Variants in TEX26 observed in about 807,000 individuals in gnomAD.
The protein encoded by TEX26 is testis-expressed protein 26.
Under a neutral mutation model 35.3 loss-of-function variants are expected in TEX26, and 34 were observed. That is an observed-to-expected ratio of 0.96 (90% CI 0.73 to 1.28). The LOEUF (loss-of-function observed/expected upper bound fraction) is 1.28, where lower values mean the gene tolerates loss of function less well. TEX26 is among the 50% of genes most tolerant of loss of function. TEX26 has a pLI of 0.00. For synonymous variants in TEX26, 136 were observed against 111.8 expected (o/e 1.22, Z -1.36); for missense variants, 371 against 330.1 (o/e 1.12, Z -0.96).
Position 30,974,939 on chromosome 13 carries a change from G to GA in TEX26, c.*36dup, listed in dbSNP as rs1385934410. 2 of 1,427,268 alleles carry GA rather than the reference G, an allele frequency of 1.4e-6. No individual in the cohort carries two copies. Among genetic ancestry groups the GA allele is most frequent in the South Asian group, 2.7e-5 (2 of 74,708 alleles). The allele number at this position is 1,427,268 out of a possible 1,614,324, so 88.4% of individuals were successfully genotyped here. ...AAAATAGTACAAATGAAGAAAATCT[G>GA]AAAATCAATGGAAGCACGAGGACAT... On this transcript the variant is annotated 3_prime_UTR_variant, in exon 7 of 7. Coordinates refer to ENST00000380473, the MANE Select transcript of TEX26 (RefSeq NM_152325.3).
chr13:30,932,795 C>G lies in TEX26; in HGVS notation c.61+19C>G, dbSNP rs1171207188. Reference sequence around the variant, plus strand: ...CAGCCAAGTAAGACAGCAGACTCTGCCGGTCTGCGGGGCGGGGCTGGGGTC... The same window carrying G: ...CAGCCAAGTAAGACAGCAGACTCTGGCGGTCTGCGGGGCGGGGCTGGGGTC... On this transcript the variant is annotated intron_variant, in intron 1 of 6. Transcript: ENST00000380473. 1.9e-6 allele frequency: 3 copies of G among 1,612,244 alleles called. No individual in the cohort carries two copies. The highest frequency in any genetic ancestry group is 2.7e-5 in the African/African-American group (2 of 74,928).
chr13:30,947,845 C>T (rs565220353), intron 2 of TEX26, among the ~76,000 whole-genome samples: 227 of 152,106 alleles, frequency 1.5e-3, no homozygotes, highest in African/African-American at 5.1e-3. Context: ...CCCATTAACT[C>T]GTCATTTAGC....
intron 1 of TEX26, among the ~76,000 whole-genome samples, chr13:30,935,273 G>A (rs377427953): frequency 2.6e-5 from 4 of 152,230 alleles, no homozygotes; most frequent in East Asian, 1.9e-4. Flanking sequence ...TGGGTGGAAG[G>A]GGCTGGGGTC....
At chr13:30,947,213 G>A (rs979480875) in intron 2 of TEX26, among the ~76,000 whole-genome samples, 1 of 152,050 alleles carries the variant, frequency 6.6e-6, no homozygotes, top group African/African-American at 2.4e-5. Context: ...TTTTGCAACT[G>A]CATCTTAATG....
At chr13:30,948,636 A>T (rs1420357611) in intron 2 of TEX26, among the ~76,000 whole-genome samples, 1 of 152,114 alleles carries the variant, frequency 6.6e-6, no homozygotes, top group Non-Finnish European at 1.5e-5. Flanking sequence ...GATTCTGGAT[A>T]TTAGCCCTTT....
At chr13:30,961,300 G>T (rs12429673) in intron 4 of TEX26, among the ~76,000 whole-genome samples, 37,365 of 152,144 alleles carry the variant, frequency 0.25, 5,547 homozygotes, top group Non-Finnish European at 0.32. Context: ...GACTATGCAG[G>T]GTTATGAAGG....
At chr13:30,957,125 A>C in intron 4 of TEX26, 96 bp downstream of exon 4, 4 of 1,279,100 alleles carry the variant, frequency 3.1e-6, no homozygotes, top group Non-Finnish European at 4.3e-6. Context: ...CCTTCAAGGA[A>C]CTTGAAGTCT....
At chr13:30,968,353 T>C (rs1366497323) in intron 5 of TEX26, among the ~76,000 whole-genome samples, 1 of 152,084 alleles carries the variant, frequency 6.6e-6, no homozygotes, top group Non-Finnish European at 1.5e-5. Context: ...ACCTATGAAG[T>C]CCGATCGTAG....
At chr13:30,948,858 GT>G (rs1453747763) in intron 2 of TEX26, among the ~76,000 whole-genome samples, 1 of 152,174 alleles carries the variant, frequency 6.6e-6, no homozygotes, top group East Asian at 1.9e-4. Flanking sequence ...TTCTTCTAGA[GT>G]TTTTATGGTT....
chr13:30,941,689 T>G (rs1049202179), intron 2 of TEX26, among the ~76,000 whole-genome samples: 1 of 152,118 alleles, frequency 6.6e-6, no homozygotes, highest in African/African-American at 2.4e-5. Flanking sequence ...ATTATGTCAT[T>G]CTGTATGCCT....
At chr13:30,939,910 T>A in intron 2 of TEX26, 132 bp downstream of exon 2, 2 of 748,268 alleles carry the variant, frequency 2.7e-6, no homozygotes, top group Non-Finnish European at 4.5e-6. Context: ...CGGGCTACTG[T>A]GTGCACACCT....
intron 1 of TEX26, among the ~76,000 whole-genome samples, chr13:30,937,216 G>A (rs980173812): frequency 6.6e-6 from 1 of 152,102 alleles, no homozygotes; most frequent in African/African-American, 2.4e-5. Context: ...CAGGCACCTG[G>A]CAATTGGTGA....
intron 6 of TEX26, among the ~76,000 whole-genome samples, chr13:30,970,452 C>T (rs1954676673): frequency 6.6e-6 from 1 of 152,184 alleles, no homozygotes; most frequent in African/African-American, 2.4e-5. Flanking sequence ...CCAAGAGGCT[C>T]CTAAGGCTCT....
chr13:30,944,888 C>A (rs1364194482), intron 2 of TEX26, among the ~76,000 whole-genome samples: 2 of 151,924 alleles, frequency 1.3e-5, no homozygotes, highest in African/African-American at 4.8e-5. Context: ...AAGAATGTCC[C>A]ATGTGCTGAT....
At chr13:30,949,901 A>G (rs898439160) in intron 2 of TEX26, among the ~76,000 whole-genome samples, 2 of 152,184 alleles carry the variant, frequency 1.3e-5, no homozygotes, top group Non-Finnish European at 2.9e-5. Flanking sequence ...GAAAATTAAT[A>G]TTGGTCTGGC....
chr13:30,964,773 G>T (rs940381487), intron 4 of TEX26, among the ~76,000 whole-genome samples: 2 of 152,102 alleles, frequency 1.3e-5, no homozygotes, highest in African/African-American at 4.8e-5. Flanking sequence ...AAAATGGAAG[G>T]ACAAGAGCGT....
At position 30,968,961 on chromosome 13, in the gene TEX26, C is replaced by A. The variant is rs751004234; in HGVS notation, c.723C>A (p.Asp241Glu). The change falls in exon 6 of 7, where the codon GAC becomes GAA. Residue 241 changes from aspartate to glutamate, a missense_variant. Transcript: ENST00000380473. ...KKQTTYQSDY[D>E]KTYPDFLMLL... ...AGACCACATACCAAAGTGACTACGA[C>A]AAAACCTACCCAGATTTCTTAATGC... 6.2e-7 allele frequency: 1 copy of A among 1,614,104 alleles called. No homozygotes were observed. Among genetic ancestry groups the A allele is most frequent in the East Asian group, 2.2e-5 (1 of 44,872 alleles).
At chr13:30,947,662 G>A (rs1374387550) in intron 2 of TEX26, among the ~76,000 whole-genome samples, 4 of 152,092 alleles carry the variant, frequency 2.6e-5, no homozygotes, top group Non-Finnish European at 5.9e-5. Flanking sequence ...TCACTTGGAA[G>A]CAACTTGTTT....
intron 1 of TEX26, among the ~76,000 whole-genome samples, chr13:30,935,114 C>T (rs1213343577): frequency 6.6e-6 from 1 of 152,240 alleles, no homozygotes; most frequent in Non-Finnish European, 1.5e-5. Flanking sequence ...GTATCTGATC[C>T]CACTGCCAGG....
Sources: gnomAD v4.1 joint callset for allele counts (sites outside exome capture counted in the v4.1 genomes callset) on GRCh38, gnomAD v4.1.1 for gene constraint, MANE v1.5 for transcripts, NCBI Gene and HGNC (gene_info 2026-07-23, HGNC 2026-07-21) for gene names.